Variants in MCM6 observed in about 807,000 individuals in gnomAD.
MCM6 encodes DNA replication licensing factor MCM6.
MCM6 carries 46 observed loss-of-function variants against 94.3 expected under a neutral mutation model. That is an observed-to-expected ratio of 0.49 (90% CI 0.39 to 0.62). The LOEUF is 0.62. MCM6 is among the 20% of genes least tolerant of loss of function. The probability of loss-of-function intolerance (pLI) is 0.00; values close to 1 mark genes in which losing one functional copy is unlikely to be tolerated. For synonymous variants in MCM6, 335 were observed against 351.9 expected, an observed-to-expected ratio of 0.95 and a Z score of 0.54; for missense variants, 865 against 1,017.9, an observed-to-expected ratio of 0.85 and a Z score of 2.04.
At chr2:135,875,893 C>A (rs533250729) in intron 1 of MCM6, among the ~76,000 whole-genome samples, 2 of 152,362 alleles carry the variant, frequency 1.3e-5, no homozygotes, top group East Asian at 3.9e-4. Context: ...GCCTCCCACT[C>A]GACCTGGCCG....
At chr2:135,872,502 G>C (rs893426001) in intron 2 of MCM6, among the ~76,000 whole-genome samples, 195 bp downstream of exon 2, 1 of 151,800 alleles carries the variant, frequency 6.6e-6, no homozygotes, top group African/African-American at 2.4e-5. Context: ...AAAAACGTTC[G>C]GCTCTACAAA....
intron 4 of MCM6, among the ~76,000 whole-genome samples, chr2:135,867,238 A>T (rs559862959): frequency 1.2e-3 from 189 of 152,354 alleles, no homozygotes; most frequent in African/African-American, 4.3e-3. Context: ...AAGAATAAAG[A>T]CAATCCTGTT....
At chr2:135,853,464 A>T (rs1271113435) in intron 11 of MCM6, among the ~76,000 whole-genome samples, 1 of 152,180 alleles carries the variant, frequency 6.6e-6, no homozygotes, top group East Asian at 1.9e-4. Context: ...CAACAAAAAT[A>T]GCAGAACTAA....
chr2:135,871,737 G>A (rs1204963167), intron 2 of MCM6, among the ~76,000 whole-genome samples: 1 of 152,168 alleles, frequency 6.6e-6, no homozygotes, highest in Admixed American at 6.5e-5. Flanking sequence ...ATGAATTTGA[G>A]TAATTTCATA....
At chr2:135,841,954 A>T (rs1461713038) in intron 16 of MCM6, among the ~76,000 whole-genome samples, 1 of 151,978 alleles carries the variant, frequency 6.6e-6, no homozygotes, top group African/African-American at 2.4e-5. Context: ...AAAATACAAA[A>T]ATTAGCTGGG....
At chr2:135,862,821 T>A in intron 7 of MCM6, 73 bp from the exon 8 acceptor site, 1 of 1,527,218 alleles carries the variant, frequency 6.5e-7, no homozygotes, top group East Asian at 2.3e-5. Flanking sequence ...GAAGAAACAG[T>A]AAAGGCATGT....
At chr2:135,843,152 G>C (rs1679605422) in intron 16 of MCM6, among the ~76,000 whole-genome samples, 1 of 152,146 alleles carries the variant, frequency 6.6e-6, no homozygotes, top group Non-Finnish European at 1.5e-5. Flanking sequence ...TGAGGGGAGA[G>C]TGGAATCAAG....
chr2:135,861,806 C>T (rs545163378), intron 8 of MCM6, among the ~76,000 whole-genome samples: 146 of 152,184 alleles, frequency 9.6e-4, no homozygotes, highest in African/African-American at 3.4e-3. Flanking sequence ...TTAGTAGAGA[C>T]GGGGTTTCAC....
chr2:135,844,197 G>A (rs1229205493), intron 16 of MCM6, among the ~76,000 whole-genome samples: 3 of 152,130 alleles, frequency 2.0e-5, no homozygotes, highest in African/African-American at 4.8e-5. Flanking sequence ...CTATTGGGTT[G>A]GGTAAGGTGG....
Position 135,859,363 on chromosome 2 carries a change from C to T in MCM6, c.1300G>A (p.Val434Met). Residue 434 changes from valine to methionine, a missense_variant, in exon 9 of 17, where the codon GTG becomes ATG. By Grantham distance (21) the Val-to-Met change is conservative. Transcript: ENST00000264156. The stretch of plus-strand genomic sequence containing the variant: ...AACTCATGAGATTCTTCATCTCTCA[C>T]AACAGCTGCTGTTAAGCCAGCAGCA... ...SSAAGLTAAV[V>M]RDEESHEFVI... is the part of the protein sequence containing the mutation. 6.2e-7 allele frequency: 1 copy of T among 1,613,646 alleles called. No homozygotes were observed.
At chr2:135,848,001 G>A in intron 14 of MCM6, 52 bp downstream of exon 14, 1 of 1,484,250 alleles carries the variant, frequency 6.7e-7, no homozygotes, top group Non-Finnish European at 9.3e-7. Context: ...TGACATCTCA[G>A]AAAATGTTTT....
chr2:135,863,803 T>TAGATATATATTA (rs1680037612), intron 7 of MCM6, among the ~76,000 whole-genome samples: 2 of 150,754 alleles, frequency 1.3e-5, no homozygotes, highest in Non-Finnish European at 2.9e-5. Flanking sequence ...AAAACTTCTC[T>TAGATATATATTA]GACTTATATT....
At chr2:135,875,024 G>C (rs1418880105) in intron 1 of MCM6, among the ~76,000 whole-genome samples, 1 of 152,170 alleles carries the variant, frequency 6.6e-6, no homozygotes, top group African/African-American at 2.4e-5. Context: ...GAGGGAGAGG[G>C]TAACGGAGGA....
At position 135,868,659 on chromosome 2, in the gene MCM6, C is replaced by T; in HGVS notation, c.567G>A (p.Arg189=). The change falls in exon 4 of 17, where the codon AGG becomes AGA. Residue 189 remains arginine, a synonymous_variant. Transcript: ENST00000264156. The part of the protein sequence containing the change: ...ICRNPVCANR[R]RFLLDTNKSR... ...ATTTATTTGTATCCAGTAAGAATCT[C>T]CTCCTGTTGGCACAAACTGGATTTC... 6.2e-7 allele frequency: 1 copy of T among 1,614,126 alleles called. No individual in the cohort carries two copies. The highest frequency in any genetic ancestry group is 8.5e-7 in the Non-Finnish European group (1 of 1,179,972).
Position 135,862,800 on chromosome 2 carries a change from AAAC to A in MCM6, c.1079-55_1079-53del, listed in dbSNP as rs780011711. 5.5e-5 allele frequency: 87 copies of A among 1,592,296 alleles called. 1 individual carries two copies. The South Asian group carries it at 9.2e-4, about 17-fold the overall frequency. ...AAAACTAATTTTTCAACATGAAGTT[AAAC>A]ACTTTCAGAAGAAACAGTAAAGGCA... On this transcript the variant is annotated intron_variant, in intron 7 of 16. Coordinates refer to ENST00000264156, the MANE Select transcript of MCM6 (RefSeq NM_005915.6).
In MCM6 at chr2:135,870,329, G is replaced by A. The variant is rs1680177033; in HGVS notation, c.287C>T (p.Thr96Ile). The A allele has an allele frequency of 1.2e-6, 2 of 1,613,890 alleles. No homozygotes were observed. The highest frequency in any genetic ancestry group is 1.6e-4 in the Middle Eastern group (1 of 6,062). The change falls in exon 3 of 17, where the codon ACA becomes ATA. Residue 96 changes from threonine to isoleucine, a missense_variant. Thr to Ile is a moderately conservative substitution (Grantham distance 89). Coordinates refer to ENST00000264156, the MANE Select transcript of MCM6 (RefSeq NM_005915.6). ...VYPYLCRALK[T>I]FVKDRKEIPL... ...GATCTCTTTACGGTCTTTGACGAAT[G>A]TTTTCAAGGCCCGACACAGGTAAGG...
intron 4 of MCM6, 98 bp downstream of exon 4, chr2:135,868,513 A>C: frequency 2.4e-6 from 3 of 1,249,932 alleles, no homozygotes; most frequent in Non-Finnish European, 3.4e-6. Flanking sequence ...CTTACATAAA[A>C]ATTGAGTTGA....
At chr2:135,863,102 C>T (rs1680026613) in intron 7 of MCM6, among the ~76,000 whole-genome samples, 1 of 152,200 alleles carries the variant, frequency 6.6e-6, no homozygotes, top group Non-Finnish European at 1.5e-5. Flanking sequence ...CCAAGGCCTA[C>T]CACATTTGCT....
chr2:135,849,872 G>C (rs943067705), intron 13 of MCM6, among the ~76,000 whole-genome samples: 2 of 152,018 alleles, frequency 1.3e-5, no homozygotes, highest in African/African-American at 2.4e-5. Flanking sequence ...TTTTTTAATG[G>C]ATGAAGATTA....
Sources: allele counts gnomAD v4.1 joint callset (sites outside exome capture counted in the v4.1 genomes callset), GRCh38; gene constraint gnomAD v4.1.1; transcripts MANE v1.5; gene names NCBI Gene and HGNC (gene_info 2026-07-23, HGNC 2026-07-21).